Variants in PIGU observed in about 807,000 individuals in gnomAD.
The protein encoded by PIGU is phosphatidylinositol glycan anchor biosynthesis class U, also known as GPI-anchor transamidase component PIGU.
In PIGU, 24 loss-of-function variants were observed where a neutral mutation model predicts 49.9. The ratio of observed to expected loss-of-function variants is 0.48; its 90% CI spans 0.35 to 0.68. PIGU has a LOEUF of 0.68. PIGU is among the 30% of genes least tolerant of loss of function. PIGU has a pLI of 0.01. For synonymous variants in PIGU, 220 were observed against 205.7 expected (o/e 1.07, Z -0.59); for missense variants, 490 against 532.6 (o/e 0.92, Z 0.79).
Position 34,616,045 on chromosome 20 carries a change from G to C in PIGU, c.624C>G (p.Leu208=). The change falls in exon 7 of 12, where the codon CTC becomes CTG. Residue 208 remains leucine (L), a synonymous_variant. Transcript: ENST00000217446. ...CTTCTGACCAGCAAGTGCTTACCTGGAGGAGATAGAGGAGTCCTGGGACAA... is the reference window on the plus strand; with the variant it reads ...CTTCTGACCAGCAAGTGCTTACCTGCAGGAGATAGAGGAGTCCTGGGACAA... ...TLFVPGLLYL[L]QRQYIPVKMK... 4 of 1,608,620 alleles carry C rather than the reference G, an allele frequency of 2.5e-6. No individual in the cohort carries two copies. The highest frequency in any genetic ancestry group is 3.4e-6 in the Non-Finnish European group (4 of 1,177,980).
intron 6 of PIGU, among the ~76,000 whole-genome samples, chr20:34,620,023 T>C (rs1985146185): frequency 6.6e-6 from 1 of 152,080 alleles, no homozygotes. Flanking sequence ...CAGCAGCTTT[T>C]CCCCCTCCTC....
intron 1 of PIGU, among the ~76,000 whole-genome samples, chr20:34,672,400 T>C (rs1380417596): frequency 6.6e-6 from 1 of 152,202 alleles, no homozygotes; most frequent in Non-Finnish European, 1.5e-5. Flanking sequence ...TAATTTTTCC[T>C]ATGGGATACC....
chr20:34,628,288 G>C (rs1287043392), intron 6 of PIGU, among the ~76,000 whole-genome samples: 1 of 151,960 alleles, frequency 6.6e-6, no homozygotes, highest in Admixed American at 6.6e-5. Flanking sequence ...TTCAAGACCA[G>C]CCTGGGCAAC....
At chr20:34,667,795 A>T (rs530468626) in intron 1 of PIGU, among the ~76,000 whole-genome samples, 5 of 152,330 alleles carry the variant, frequency 3.3e-5, no homozygotes, top group African/African-American at 1.2e-4. Flanking sequence ...AAAAATTTAA[A>T]AACAGGATAT....
intron 11 of PIGU, 122 bp downstream of exon 11, chr20:34,574,982 A>G: frequency 7.6e-7 from 1 of 1,309,328 alleles, no homozygotes; most frequent in Admixed American, 2.0e-5. Flanking sequence ...ACTTGAGGGG[A>G]GTAACTGTGC....
chr20:34,590,151 GA>G (rs1316410933), intron 7 of PIGU, among the ~76,000 whole-genome samples: 1 of 148,720 alleles, frequency 6.7e-6, no homozygotes, highest in Non-Finnish European at 1.5e-5. Flanking sequence ...TAAGAAAAAG[GA>G]AAATAAGAAT....
intron 1 of PIGU, among the ~76,000 whole-genome samples, chr20:34,658,982 G>A (rs1321329436): frequency 9.5e-5 from 14 of 146,930 alleles, no homozygotes; most frequent in Admixed American, 2.0e-4. Context: ...CAGCCGCCCC[G>A]TCCGGGAGGT....
At chr20:34,590,430 G>A (rs556405324) in intron 7 of PIGU, among the ~76,000 whole-genome samples, 7 of 152,026 alleles carry the variant, frequency 4.6e-5, no homozygotes, top group South Asian at 2.1e-4. Context: ...GGTGGTGTCC[G>A]CCTGTAGTCC....
At chr20:34,561,064 A>AAGAC (rs1982480422) in intron 11 of PIGU, 85 bp from the exon 12 acceptor site, 1 of 935,876 alleles carries the variant, frequency 1.1e-6, no homozygotes, top group South Asian at 1.6e-5. Context: ...GTGTTGTTGG[A>AAGAC]AGACAGGAAC....
At chr20:34,580,065 G>A (rs1033287442) in intron 10 of PIGU, among the ~76,000 whole-genome samples, 2 of 152,178 alleles carry the variant, frequency 1.3e-5, no homozygotes, top group African/African-American at 4.8e-5. Flanking sequence ...GCCAGGAATC[G>A]GAGTCAAGTG....
chr20:34,588,419 G>C (rs1287560916), intron 8 of PIGU, 34 bp downstream of exon 8: 2 of 1,589,976 alleles, frequency 1.3e-6, no homozygotes, highest in Non-Finnish European at 1.7e-6. Context: ...TTTCCCCACA[G>C]CTTCTAGAAT....
At chr20:34,595,284 C>A (rs192391293) in intron 7 of PIGU, among the ~76,000 whole-genome samples, 1 of 152,054 alleles carries the variant, frequency 6.6e-6, no homozygotes, top group Admixed American at 6.6e-5. Context: ...AAAATTGTGT[C>A]TGTACTGAAC....
chr20:34,661,226 G>C (rs1986917478), intron 1 of PIGU, among the ~76,000 whole-genome samples: 1 of 151,742 alleles, frequency 6.6e-6, no homozygotes, highest in Non-Finnish European at 1.5e-5. Context: ...AAATTTTCTG[G>C]GGGTTGAGGG....
chr20:34,596,784 A>C (rs1015190129), intron 7 of PIGU, among the ~76,000 whole-genome samples: 1 of 152,186 alleles, frequency 6.6e-6, no homozygotes, highest in African/African-American at 2.4e-5. Context: ...GTTTAATCTT[A>C]CTTTGAGAGA....
Position 34,645,201 on chromosome 20 carries a change from AAAGAG to A in PIGU, c.255+69_255+73del, listed in dbSNP as rs540396761. 4.2e-4 allele frequency: 586 copies of A among 1,399,146 alleles called. 1 individual carries two copies. In the African/African-American group the frequency reaches 8.1e-3, roughly 19 times the overall value. 86.7% of individuals were successfully genotyped at this position (1,399,146 alleles called of 1,614,324 possible). A position where few individuals can be genotyped will look rare whatever the true frequency, so the allele number is the denominator to read the frequency against. ...AGACCCCATCTCAAAAAAAAAAAAA[AAAGAG>A]AGAGAGAGACAATAAACCATAAAAT... On this transcript the variant is annotated intron_variant, in intron 3 of 11. Transcript: ENST00000217446.
chr20:34,645,296 G>A lies in PIGU; in HGVS notation c.234C>T (p.Asp78=). ...TTACCATAAACACCAATTCAGCATAGTCAATTAGGAAATGAAAGAGGTATA... is the reference window on the plus strand; with the variant it reads ...TTACCATAAACACCAATTCAGCATAATCAATTAGGAAATGAAAGAGGTATA... ...LIIYLFHFLI[D]YAELVFMITD... is the part of the protein sequence containing the mutation. The change falls in exon 3 of 12, where the codon GAC becomes GAT. Residue 78 remains aspartate, a synonymous_variant. Coordinates refer to ENST00000217446, the MANE Select transcript of PIGU (RefSeq NM_080476.5). The A allele has an allele frequency of 6.3e-7, 1 of 1,577,150 alleles. No individual in the cohort carries two copies. Among genetic ancestry groups the A allele is most frequent in the Non-Finnish European group, 8.6e-7 (1 of 1,167,302 alleles).
intron 1 of PIGU, among the ~76,000 whole-genome samples, chr20:34,674,433 C>G (rs1474313485): frequency 6.6e-6 from 1 of 152,128 alleles, no homozygotes; most frequent in Non-Finnish European, 1.5e-5. Flanking sequence ...ATTCCAGACC[C>G]TGCACTCTTA....
intron 6 of PIGU, among the ~76,000 whole-genome samples, chr20:34,632,727 T>A (rs1985827664): frequency 6.6e-6 from 1 of 151,380 alleles, no homozygotes. Flanking sequence ...AAAAAATCAA[T>A]AAAAAAGAGA....
chr20:34,658,118 C>G (rs1449667521), intron 1 of PIGU, among the ~76,000 whole-genome samples: 2 of 152,070 alleles, frequency 1.3e-5, no homozygotes, highest in South Asian at 4.1e-4. Context: ...TCAGCCTGCC[C>G]AGTGCCTGCG....
Sources: gnomAD v4.1 joint callset for allele counts (sites outside exome capture counted in the v4.1 genomes callset) on GRCh38, gnomAD v4.1.1 for gene constraint, MANE v1.5 for transcripts, NCBI Gene and HGNC (gene_info 2026-07-23, HGNC 2026-07-21) for gene names.